The following XRN2 variants were observed in gnomAD, a reference collection of about 807,000 sequenced individuals.
The protein encoded by XRN2 is 5'-3' exoribonuclease 2.
XRN2 carries 44 observed loss-of-function variants against 138.5 expected under a neutral mutation model. That is an observed-to-expected ratio of 0.32 (90% confidence interval 0.25 to 0.41). The LOEUF is 0.41. Among genes scored for constraint, XRN2 ranks in the 10% least tolerant of loss-of-function variants. The pLI is 1.00. For synonymous variants in XRN2, 354 were observed against 369.4 expected, an observed-to-expected ratio of 0.96 and a Z score of 0.48; for missense variants, 937 against 1,169.3, an observed-to-expected ratio of 0.80 and a Z score of 2.90.
At chr20:21,335,499 T>C (rs2038273510) in intron 13 of XRN2, among the ~76,000 whole-genome samples, 1 of 152,228 alleles carries the variant, frequency 6.6e-6, no homozygotes. Context: ...TTGGGTGTCA[T>C]TTTATGTAAC....
At chr20:21,349,272 A>C (rs2038477044) in intron 19 of XRN2, 117 bp from the exon 20 acceptor site, 1 of 720,842 alleles carries the variant, frequency 1.4e-6, no homozygotes, top group South Asian at 1.6e-5. Context: ...ATTTTTTAAA[A>C]GGAATGCACT....
chr20:21,332,007 C>G (rs182932033), intron 8 of XRN2, among the ~76,000 whole-genome samples, 189 bp downstream of exon 8: 2 of 152,126 alleles, frequency 1.3e-5, no homozygotes, highest in Admixed American at 1.3e-4. Flanking sequence ...TTCTTTTCTT[C>G]TTTCTTACAT....
chr20:21,360,468 T>C (rs962856872), intron 24 of XRN2, among the ~76,000 whole-genome samples: 1 of 152,068 alleles, frequency 6.6e-6, no homozygotes, highest in African/African-American at 2.4e-5. Context: ...TTTTTTTTTT[T>C]TTTCTCATAG....
intron 15 of XRN2, among the ~76,000 whole-genome samples, 196 bp from the exon 16 acceptor site, chr20:21,343,894 T>C (rs2122240645): frequency 6.6e-6 from 1 of 152,222 alleles, no homozygotes; most frequent in South Asian, 2.1e-4. Flanking sequence ...AAAGTTTGGG[T>C]ATTACATTAC....
chr20:21,377,517 C>T (rs1210975785), intron 27 of XRN2, among the ~76,000 whole-genome samples: 1 of 150,760 alleles, frequency 6.6e-6, no homozygotes, highest in Non-Finnish European at 1.5e-5. Context: ...CTCAGCCTCC[C>T]AAAGTGTTGG....
intron 1 of XRN2, among the ~76,000 whole-genome samples, chr20:21,317,816 C>T (rs1454626780): frequency 6.6e-6 from 1 of 152,142 alleles, no homozygotes; most frequent in Non-Finnish European, 1.5e-5. Context: ...ATCTATTCCA[C>T]AGATGTAGAA....
intron 13 of XRN2, among the ~76,000 whole-genome samples, chr20:21,335,337 A>G (rs1393069781): frequency 1.3e-5 from 2 of 152,226 alleles, no homozygotes; most frequent in African/African-American, 2.4e-5. Context: ...TGATTTTATA[A>G]AAGTCATGTG....
intron 1 of XRN2, among the ~76,000 whole-genome samples, chr20:21,305,841 C>T (rs2037809021): frequency 1.5e-5 from 1 of 67,620 alleles, no homozygotes; most frequent in Non-Finnish European, 3.4e-5. Context: ...GCTCCGCCTT[C>T]GGGGTTCACG....
intron 1 of XRN2, among the ~76,000 whole-genome samples, chr20:21,310,372 T>C (rs2037863012): frequency 6.6e-6 from 1 of 152,250 alleles, no homozygotes; most frequent in Admixed American, 6.5e-5. Flanking sequence ...TATGTGTATT[T>C]GAAAAGGATA....
At chr20:21,378,343 T>C (rs574726040) in intron 27 of XRN2, among the ~76,000 whole-genome samples, 1 of 152,324 alleles carries the variant, frequency 6.6e-6, no homozygotes, top group Non-Finnish European at 1.5e-5. Context: ...TGGGTGGTTC[T>C]CCTCTGCGTC....
At chr20:21,355,987 C>A in intron 21 of XRN2, 93 bp from the exon 22 acceptor site, 2 of 790,304 alleles carry the variant, frequency 2.5e-6, no homozygotes, top group Non-Finnish European at 4.0e-6. Flanking sequence ...GTTCTTAACA[C>A]TTAGATGCTT....
At chr20:21,377,257 G>GTTTTTTTTTTTTTTTTTTTTTTTTTT (rs1166479171) in intron 27 of XRN2, among the ~76,000 whole-genome samples, 2 of 30,274 alleles carry the variant, frequency 6.6e-5, no homozygotes, top group African/African-American at 1.9e-4. Flanking sequence ...TGATTTGTCG[G>GTTTTTTTTTTTTTTTTTTTTTTTTTT]TTTTTTCTTT....
intron 24 of XRN2, 92 bp from the exon 25 acceptor site, chr20:21,365,329 G>T: frequency 8.2e-7 from 1 of 1,213,688 alleles, no homozygotes; most frequent in Non-Finnish European, 1.2e-6. Context: ...AATAATTTTT[G>T]GAGAGGACTT....
intron 1 of XRN2, among the ~76,000 whole-genome samples, chr20:21,315,394 T>G (rs564085793): frequency 6.6e-6 from 1 of 152,358 alleles, no homozygotes; most frequent in Admixed American, 6.5e-5. Flanking sequence ...GGTTTTGATT[T>G]GCATTTTCTG....
intron 19 of XRN2, 68 bp downstream of exon 19, chr20:21,348,498 A>G (rs1228722175): frequency 2.1e-6 from 3 of 1,433,476 alleles, no homozygotes; most frequent in South Asian, 2.4e-5. Flanking sequence ...ATCAGTTACA[A>G]TTGCTTTTGC....
chr20:21,333,033 T>G (rs2038235881), intron 9 of XRN2, among the ~76,000 whole-genome samples: 1 of 152,182 alleles, frequency 6.6e-6, no homozygotes. Context: ...GGAAAAAGAA[T>G]ATGGTGCCTC....
At chr20:21,355,384 G>T (rs140440440) in intron 21 of XRN2, among the ~76,000 whole-genome samples, 1 of 151,970 alleles carries the variant, frequency 6.6e-6, no homozygotes, top group Admixed American at 6.5e-5. Context: ...TGCAAAGCTG[G>T]GCTCTATTGA....
At chr20:21,358,143 G>GTA (rs2038597766) in intron 24 of XRN2, among the ~76,000 whole-genome samples, 1 of 152,120 alleles carries the variant, frequency 6.6e-6, no homozygotes, top group Non-Finnish European at 1.5e-5. Flanking sequence ...CAGCTTCCCT[G>GTA]TATTACAACA....
At chr20:21,328,159 G>A (rs1240428002) in intron 3 of XRN2, among the ~76,000 whole-genome samples, 1 of 152,204 alleles carries the variant, frequency 6.6e-6, no homozygotes, top group Admixed American at 6.5e-5. Context: ...CATAGAGAAT[G>A]TCTTCCTGAT....
Sources: gnomAD v4.1 joint callset for allele counts (sites outside exome capture counted in the v4.1 genomes callset) on GRCh38, gnomAD v4.1.1 for gene constraint, MANE v1.5 for transcripts, NCBI Gene and HGNC (gene_info 2026-07-23, HGNC 2026-07-21) for gene names.